RPSA: variants seen among roughly 807,000 people sequenced by gnomAD.
RPSA encodes ribosomal protein SA.
For synonymous variants in RPSA, 103 were observed against 126.7 expected (o/e 0.81, Z 1.25); for missense variants, 140 against 372.8 (o/e 0.38, Z 5.14).
At chr3:39,407,848 T>G (rs1291499217) in intron 2 of RPSA, 62 bp downstream of exon 2, 1 of 1,400,926 alleles carries the variant, frequency 7.1e-7, no homozygotes, top group African/African-American at 1.4e-5. Context: ...AGCTTGCTAT[T>G]CTCGTGGTTA....
rs551949150 is a variant in RPSA at position 39,411,033 on chromosome 3, G to A, written c.498+34G>A. ...TTTAGGATCTAGAGTTTGTGAATGCGTGCTCTAGAAAAAACATTCCTGTGC... is the reference window on the plus strand; with the variant it reads ...TTTAGGATCTAGAGTTTGTGAATGCATGCTCTAGAAAAAACATTCCTGTGC... On this transcript the variant is annotated intron_variant, in intron 4 of 6. Coordinates refer to ENST00000301821, the MANE Select transcript of RPSA (RefSeq NM_002295.6). 2.6e-4 allele frequency: 411 copies of A among 1,598,170 alleles called. 3 individuals are homozygous for A. The South Asian group carries it at 3.3e-3, about 13-fold the overall frequency.
chr3:39,409,488 A>G (rs956016335), intron 3 of RPSA, among the ~76,000 whole-genome samples: 3 of 152,216 alleles, frequency 2.0e-5, no homozygotes, highest in African/African-American at 7.2e-5. Context: ...GGCGTAAGCC[A>G]CTGCGCCCAG....
In RPSA at chr3:39,406,809, A is replaced by G. The variant is rs80160803; in HGVS notation, c.-34+45A>G. ...CCTGGCGCCTTCCAGGGCTAGAAAA[A>G]TGAGCTTTTCCTGCTCAAATGAAGG... On this transcript the variant is annotated intron_variant, in intron 1 of 6. Transcript: ENST00000301821. The G allele has an allele frequency of 8.4e-4, 382 of 454,324 alleles. No homozygotes were observed. Among genetic ancestry groups the G allele is most frequent in the African/African-American group, 6.5e-3 (323 of 50,024 alleles). The allele number at this position is 454,324 out of a possible 1,614,324, so 28.1% of individuals were successfully genotyped here.
rs771423193 is a variant in RPSA at position 39,411,701 on chromosome 3, G to A, written c.551G>A (p.Arg184His). Residue 184 changes from arginine to histidine, a missense_variant, in exon 5 of 7, where the codon CGC becomes CAC. Arg to His is a conservative substitution (Grantham distance 29). Transcript: ENST00000301821. ...MWWMLAREVL[R>H]MRGTISREHP... ...TGGATGCTGGCTCGGGAAGTTCTGC[G>A]CATGCGTGGCACCATTTCCCGTGAA... The A allele has an allele frequency of 6.2e-6, 10 of 1,602,184 alleles. No individual in the cohort carries two copies. Among genetic ancestry groups the A allele is most frequent in the East Asian group, 2.2e-5 (1 of 44,862 alleles).
chr3:39,408,885 T>C, intron 3 of RPSA, 161 bp downstream of exon 3: 1 of 536,886 alleles, frequency 1.9e-6, no homozygotes, highest in Non-Finnish European at 3.4e-6. Flanking sequence ...TATTACGAGG[T>C]CAGGAGATCC....
chr3:39,411,195 C>A, intron 4 of RPSA, 196 bp downstream of exon 4: 1 of 764,848 alleles, frequency 1.3e-6, no homozygotes, highest in Non-Finnish European at 2.4e-6. Flanking sequence ...GATAGTAATT[C>A]TTGCTACAAG....
intron 2 of RPSA, 48 bp from the exon 3 acceptor site, chr3:39,408,558 G>A: frequency 9.5e-7 from 1 of 1,054,532 alleles, no homozygotes; most frequent in Non-Finnish European, 1.5e-6. Flanking sequence ...TGAGAAGAAT[G>A]TTTGCACAGC....
In RPSA at chr3:39,407,565, G is replaced by A. The variant is rs116574601; in HGVS notation, c.-33-56G>A. On this transcript the variant is annotated intron_variant, in intron 1 of 6. Transcript: ENST00000301821. ...ATGGAGTTTTTGGTTGCTTTTAAGG[G>A]TGTGCCCTACTTAACTCAATGGAAT... The A allele has an allele frequency of 8.3e-4, 1,099 of 1,324,776 alleles. 6 individuals carry two copies. The African/African-American group carries it at 0.014, about 17-fold the overall frequency. The allele number at this position is 1,324,776 out of a possible 1,614,324, so 82.1% of individuals were successfully genotyped here.
rs1257525184 is a variant in RPSA, at chr3:39,412,540, A to G, written c.*172A>G. ...ATGTCTCGACATGAGTTGTACTTCT[A>G]AAGCCCACTGTAGATAGTGTATATT... On this transcript the variant is annotated 3_prime_UTR_variant, in exon 7 of 7. Coordinates refer to ENST00000301821, the MANE Select transcript of RPSA (RefSeq NM_002295.6). The G allele has an allele frequency of 1.2e-5, 7 of 595,730 alleles. No individual in the cohort carries two copies. In the South Asian group the frequency reaches 1.2e-4, roughly 11 times the overall value. 36.9% of individuals were successfully genotyped at this position (595,730 alleles called of 1,614,324 possible).
chr3:39,408,453 G>A (rs1559398761), intron 2 of RPSA, 153 bp from the exon 3 acceptor site: 1 of 775,484 alleles, frequency 1.3e-6, no homozygotes, highest in Non-Finnish European at 2.4e-6. Flanking sequence ...AGTGTCGGAA[G>A]TGTGCTATAT....
intron 6 of RPSA, 101 bp downstream of exon 6, chr3:39,412,162 G>GT (rs2042014917): frequency 2.2e-6 from 3 of 1,392,708 alleles, no homozygotes; most frequent in African/African-American, 2.8e-5. Context: ...GCTTTAAGAG[G>GT]TTTTCATTCC....
At chr3:39,408,803 A>G (rs1359090665) in intron 3 of RPSA, 79 bp downstream of exon 3, 7 of 906,104 alleles carry the variant, frequency 7.7e-6, no homozygotes, top group Non-Finnish European at 1.1e-5. Context: ...GACATAAGAA[A>G]ACAGAAATAA....
At chr3:39,407,995 CG>C in intron 2 of RPSA, 1 of 533,786 alleles carries the variant, frequency 1.9e-6, no homozygotes, top group East Asian at 3.4e-5. Flanking sequence ...GTCTGAGTTA[CG>C]GGACTTGGGT....
chr3:39,406,957 G>C (rs2125590623), intron 1 of RPSA, 193 bp downstream of exon 1: 1 of 452,722 alleles, frequency 2.2e-6, no homozygotes, highest in Middle Eastern at 3.3e-4. Flanking sequence ...AGTGCCCCGG[G>C]AGCGGGTGGA....
At chr3:39,409,860 C>T (rs984449504) in intron 3 of RPSA, among the ~76,000 whole-genome samples, 1 of 151,876 alleles carries the variant, frequency 6.6e-6, no homozygotes, top group Non-Finnish European at 1.5e-5. Context: ...ATGGGTGGCT[C>T]ATGCTTTTGT....
Position 39,410,623 on chromosome 3 carries a change from G to A in RPSA, c.253-131G>A. On this transcript the variant is annotated intron_variant, in intron 3 of 6. Transcript: ENST00000301821. The stretch of plus-strand genomic sequence containing the variant: ...CTCTGGAGAAGTAAGAGAGGTTAAG[G>A]AAAGCTGGGTATGTGCCTGCTTTAC... The A allele has an allele frequency of 3.9e-6, 4 of 1,034,414 alleles. No individual in the cohort carries two copies. The South Asian group carries it at 5.3e-5, about 14-fold the overall frequency. 64.1% of individuals were successfully genotyped at this position (1,034,414 alleles called of 1,614,324 possible).
chr3:39,412,179 C>T, intron 6 of RPSA, 95 bp from the exon 7 acceptor site: 1 of 1,321,508 alleles, frequency 7.6e-7, no homozygotes, highest in Non-Finnish European at 1.1e-6. Flanking sequence ...TTCCAGTGTG[C>T]TACAGCATCT....
chr3:39,412,536 T>G lies in RPSA; in HGVS notation c.*168T>G, dbSNP rs1210926610. On this transcript the variant is annotated 3_prime_UTR_variant, in exon 7 of 7. Coordinates refer to ENST00000301821, the MANE Select transcript of RPSA (RefSeq NM_002295.6). ...ATACATGTCTCGACATGAGTTGTACTTCTAAAGCCCACTGTAGATAGTGTA... is the reference window on the plus strand; with the variant it reads ...ATACATGTCTCGACATGAGTTGTACGTCTAAAGCCCACTGTAGATAGTGTA... 6.7e-6 allele frequency: 4 copies of G among 597,132 alleles called. No individual in the cohort carries two copies. Among genetic ancestry groups the G allele is most frequent in the Non-Finnish European group, 1.2e-5 (4 of 337,138 alleles). 37.0% of individuals were successfully genotyped at this position (597,132 alleles called of 1,614,324 possible). A position where few individuals can be genotyped will look rare whatever the true frequency, so the allele number is the denominator to read the frequency against.
At chr3:39,407,999 A>T (rs2041944447) in intron 2 of RPSA, 4 of 529,108 alleles carry the variant, frequency 7.6e-6, no homozygotes, top group Non-Finnish European at 1.4e-5. Context: ...GAGTTACGGG[A>T]CTTGGGTTGG....
Sources: allele counts gnomAD v4.1 joint callset (sites outside exome capture counted in the v4.1 genomes callset), GRCh38; gene constraint gnomAD v4.1.1; transcripts MANE v1.5; gene names NCBI Gene and HGNC (gene_info 2026-07-23, HGNC 2026-07-21).